TBC1D8: variants seen among roughly 807,000 people sequenced by gnomAD.
TBC1D8 encodes TBC1 domain family member 8, also known as BUB2-like protein 1.
Under a neutral mutation model 118.8 loss-of-function variants are expected in TBC1D8, and 65 were observed. The ratio of observed to expected loss-of-function variants is 0.55; its 90% CI spans 0.45 to 0.67. TBC1D8 has a LOEUF of 0.67. Ranked by LOEUF, TBC1D8 falls within the 30% of genes least tolerant of loss-of-function variation. The pLI is 0.00. For synonymous variants in TBC1D8, 566 were observed against 595.8 expected, an observed-to-expected ratio of 0.95 and a Z score of 0.73; for missense variants, 1,376 against 1,471.2, an observed-to-expected ratio of 0.94 and a Z score of 1.06.
intron 1 of TBC1D8, among the ~76,000 whole-genome samples, chr2:101,116,056 T>C (rs1270488572): frequency 2.6e-5 from 4 of 152,224 alleles, no homozygotes; most frequent in African/African-American, 7.2e-5. Context: ...TAAGTTGTTA[T>C]AGCTATAAGA....
chr2:101,136,538 C>T (rs765876033), intron 1 of TBC1D8, among the ~76,000 whole-genome samples: 7 of 152,218 alleles, frequency 4.6e-5, no homozygotes, highest in Non-Finnish European at 8.8e-5. Flanking sequence ...CATTAACAGA[C>T]AGCTACATAA....
At chr2:101,054,964 G>A (rs892658432) in intron 3 of TBC1D8, among the ~76,000 whole-genome samples, 1 of 151,792 alleles carries the variant, frequency 6.6e-6, no homozygotes. Flanking sequence ...TTACAGGCAT[G>A]AGCCACCACG....
At chr2:101,047,563 G>A (rs115561705) in intron 5 of TBC1D8, among the ~76,000 whole-genome samples, 2,407 of 152,284 alleles carry the variant, frequency 0.016, 82 homozygotes, top group African/African-American at 0.054. Context: ...CATGACAAAT[G>A]CTACAAATGA....
At position 101,033,731 on chromosome 2, in the gene TBC1D8, G is replaced by C. The variant is rs1398703515; in HGVS notation, c.1631C>G (p.Pro544Arg). 2.5e-6 allele frequency: 4 copies of C among 1,613,604 alleles called. No individual in the cohort carries two copies. Among genetic ancestry groups the C allele is most frequent in the Non-Finnish European group, 3.4e-6 (4 of 1,179,672 alleles). The part of the protein sequence containing the change: ...SDAVTDLASH[P>R]GYYGNLVEES... Reference sequence around the variant, plus strand: ...CTCCACCAGATTCCCGTAGTAACCAGGGTGTGAGGCAAGATCCGTCACCGC... The same window carrying C: ...CTCCACCAGATTCCCGTAGTAACCACGGTGTGAGGCAAGATCCGTCACCGC... The change falls in exon 10 of 20, where the codon CCT (proline) becomes CGT (arginine). Residue 544 changes from proline (P) to arginine (R), a missense_variant. Transcript: ENST00000409318.
intron 11 of TBC1D8, among the ~76,000 whole-genome samples, chr2:101,031,569 A>G (rs1680672033): frequency 6.6e-6 from 1 of 152,358 alleles, no homozygotes. Flanking sequence ...TCACCAGCCC[A>G]GAACCATTTT....
At chr2:101,103,626 TC>T (rs1677014069) in intron 1 of TBC1D8, among the ~76,000 whole-genome samples, 1 of 152,044 alleles carries the variant, frequency 6.6e-6, no homozygotes, top group Non-Finnish European at 1.5e-5. Flanking sequence ...TCTCCTGACC[TC>T]ATGATCCGCC....
intron 1 of TBC1D8, among the ~76,000 whole-genome samples, chr2:101,108,197 T>C (rs996680347): frequency 6.6e-6 from 1 of 152,030 alleles, no homozygotes; most frequent in African/African-American, 2.4e-5. Context: ...TAATCTATCA[T>C]AAGAAAAGCA....
chr2:101,101,516 A>C (rs1376954217), intron 1 of TBC1D8, among the ~76,000 whole-genome samples: 2 of 152,208 alleles, frequency 1.3e-5, no homozygotes, highest in Non-Finnish European at 2.9e-5. Flanking sequence ...AGAATCAGAA[A>C]TACCATTTGA....
intron 1 of TBC1D8, among the ~76,000 whole-genome samples, chr2:101,124,791 G>GA (rs990459821): frequency 2.2e-4 from 33 of 152,246 alleles, no homozygotes; most frequent in African/African-American, 7.7e-4. Context: ...GGAAGCTGTG[G>GA]AAAAAATACT....
At chr2:101,058,823 A>G (rs1446072737) in intron 3 of TBC1D8, among the ~76,000 whole-genome samples, 1 of 150,830 alleles carries the variant, frequency 6.6e-6, no homozygotes, top group Non-Finnish European at 1.5e-5. Flanking sequence ...TCTTAACACT[A>G]TTTTTTTTTC....
At chr2:101,143,575 C>G (rs1679204243) in intron 1 of TBC1D8, among the ~76,000 whole-genome samples, 1 of 152,068 alleles carries the variant, frequency 6.6e-6, no homozygotes, top group South Asian at 2.1e-4. Flanking sequence ...CCGCCCCTAC[C>G]CCTTGAGAGG....
At chr2:101,101,729 G>A (rs1676850805) in intron 1 of TBC1D8, among the ~76,000 whole-genome samples, 1 of 152,200 alleles carries the variant, frequency 6.6e-6, no homozygotes, top group Admixed American at 6.5e-5. Context: ...AAAAAGGAAT[G>A]AGATCATGTC....
intron 3 of TBC1D8, among the ~76,000 whole-genome samples, chr2:101,055,808 A>G (rs1235736008): frequency 3.3e-5 from 5 of 152,082 alleles, no homozygotes; most frequent in African/African-American, 9.7e-5. Context: ...CTGGGCCCCA[A>G]GCCTCACATG....
At chr2:101,138,065 G>A (rs1313428293) in intron 1 of TBC1D8, among the ~76,000 whole-genome samples, 3 of 152,100 alleles carry the variant, frequency 2.0e-5, no homozygotes, top group Non-Finnish European at 2.9e-5. Flanking sequence ...TCATACGACC[G>A]GAGCAGGAGG....
chr2:101,099,392 C>A (rs1011610980), intron 1 of TBC1D8, among the ~76,000 whole-genome samples: 1 of 152,150 alleles, frequency 6.6e-6, no homozygotes, highest in African/African-American at 2.4e-5. Context: ...AAAAAAAGCC[C>A]AGGACCAGAT....
intron 5 of TBC1D8, among the ~76,000 whole-genome samples, chr2:101,041,836 C>A (rs1434034435): frequency 6.6e-6 from 1 of 152,028 alleles, no homozygotes; most frequent in East Asian, 1.9e-4. Flanking sequence ...CCAGCCTGGA[C>A]AACATGGCAA....
chr2:101,050,261 T>C, intron 5 of TBC1D8, 140 bp downstream of exon 5: 2 of 1,279,116 alleles, frequency 1.6e-6, no homozygotes, highest in East Asian at 4.8e-5. Flanking sequence ...ATTAACGACA[T>C]ACAAAAATCT....
At chr2:101,130,312 C>G (rs1678538132) in intron 1 of TBC1D8, among the ~76,000 whole-genome samples, 3 of 152,252 alleles carry the variant, frequency 2.0e-5, no homozygotes. Flanking sequence ...CTTAGCAGGG[C>G]TGGCCTGCAA....
At position 101,039,270 on chromosome 2, in the gene TBC1D8, T is replaced by C. The variant is rs191435825; in HGVS notation, c.1081-615A>G. On this transcript the variant is annotated intron_variant, in intron 6 of 19. Transcript: ENST00000409318. ...TTTTTTAAGCATGTAAGTTGGCTCC[T>C]AGATTTCTTGCTCCACTAATAAGTA... Among the ~76,000 whole-genome samples, 27 of 152,342 alleles carry C rather than the reference T, an allele frequency of 1.8e-4. No homozygotes were observed. The East Asian group carries it at 4.4e-3, about 25-fold the overall frequency.
Sources: allele counts gnomAD v4.1 joint callset (sites outside exome capture counted in the v4.1 genomes callset), GRCh38; gene constraint gnomAD v4.1.1; transcripts MANE v1.5; gene names NCBI Gene and HGNC (gene_info 2026-07-23, HGNC 2026-07-21).